The following SHISAL1 variants were observed in gnomAD, a reference collection of about 807,000 sequenced individuals.
SHISAL1 encodes shisa like 1.
In SHISAL1, 9 loss-of-function variants were observed where a neutral mutation model predicts 22.6. The observed-to-expected ratio is 0.40, with a 90% CI of 0.24 to 0.70. SHISAL1 has a LOEUF of 0.70. SHISAL1 is among the 30% of genes least tolerant of loss of function. The probability of loss-of-function intolerance (pLI) is 0.39; values close to 1 mark genes in which losing one functional copy is unlikely to be tolerated. For synonymous variants in SHISAL1, 119 were observed against 115.4 expected (o/e 1.03, Z -0.20); for missense variants, 246 against 270.6 (o/e 0.91, Z 0.64).
chr22:44,243,985 T>C lies in SHISAL1; in HGVS notation c.*5700A>G, dbSNP rs2054976973. 1 of 152,236 alleles carries C rather than the reference T, an allele frequency of 6.6e-6. No homozygotes were observed. The highest frequency in any genetic ancestry group is 1.5e-5 in the Non-Finnish European group (1 of 68,120). The allele number at this position is 152,236 out of a possible 1,614,324, so 9.4% of individuals were successfully genotyped here. On this transcript the variant is annotated 3_prime_UTR_variant, in exon 5 of 5. Transcript: ENST00000381176. The stretch of plus-strand genomic sequence containing the variant: ...GCCTTTTGTGGGAGGTCTCCTGCCT[T>C]GTTAAGGTGACTGAGCCCCTCACCC...
At chr22:44,286,501 G>A (rs1444322343) in intron 3 of SHISAL1, among the ~76,000 whole-genome samples, 1 of 152,186 alleles carries the variant, frequency 6.6e-6, no homozygotes, top group Non-Finnish European at 1.5e-5. Context: ...GACAGGGTCT[G>A]CGCTCCAGCA....
intron 4 of SHISAL1, among the ~76,000 whole-genome samples, chr22:44,272,441 C>T (rs1426966423): frequency 6.6e-6 from 1 of 152,208 alleles, no homozygotes; most frequent in Non-Finnish European, 1.5e-5. Flanking sequence ...CTGTTCCCAG[C>T]ACTTAACACG....
At chr22:44,262,159 C>T (rs1457727311) in intron 4 of SHISAL1, among the ~76,000 whole-genome samples, 1 of 152,172 alleles carries the variant, frequency 6.6e-6, no homozygotes, top group Non-Finnish European at 1.5e-5. Flanking sequence ...GGGAAAAGTT[C>T]TTGGGAGCAG....
intron 4 of SHISAL1, among the ~76,000 whole-genome samples, chr22:44,252,937 A>G (rs552300096): frequency 6.6e-6 from 1 of 152,142 alleles, no homozygotes; most frequent in East Asian, 1.9e-4. Context: ...CAGAGGTTGC[A>G]GTGAGCCGAG....
At chr22:44,309,335 A>T (rs2055501482) in intron 1 of SHISAL1, among the ~76,000 whole-genome samples, 1 of 152,188 alleles carries the variant, frequency 6.6e-6, no homozygotes, top group African/African-American at 2.4e-5. Flanking sequence ...TAGCATTAGC[A>T]CGGATTAGTA....
the SHISAL1 span, among the ~76,000 whole-genome samples, chr22:44,322,788 C>G: frequency 6.6e-6 from 1 of 152,220 alleles, no homozygotes; most frequent in Non-Finnish European, 1.5e-5. Context: ...AGAGAGAGAT[C>G]ATCCAGCTAC....
Position 44,300,927 on chromosome 22 carries a change from G to C in SHISAL1, c.19C>G (p.Gln7Glu), listed in dbSNP as rs1051292234. The C allele has an allele frequency of 6.2e-7, 1 of 1,614,132 alleles. No homozygotes were observed. Among genetic ancestry groups the C allele is most frequent in the Non-Finnish European group, 8.5e-7 (1 of 1,179,998 alleles). The change falls in exon 2 of 5, where the codon CAG (glutamine) becomes GAG (glutamate). Residue 7 changes from glutamine (Q) to glutamate (E), a missense_variant. Gln to Glu is a conservative substitution (Grantham distance 29). Transcript: ENST00000381176. MTSCGQ[Q>E]SLNVLAVLFS... is the part of the protein sequence containing the mutation. ...AGGACGGCGAGCACGTTCAAGGACT[G>C]CTGGCCACAACTGGTCATCGTCTGG... is the stretch of plus-strand genomic sequence containing the variant.
rs145126928 is a variant in SHISAL1, at chr22:44,279,123, T to G, written c.599+6305A>C. On this transcript the variant is annotated intron_variant, in intron 4 of 4. Coordinates refer to ENST00000381176, the MANE Select transcript of SHISAL1 (RefSeq NM_001099294.2). ...GCCCATGGTACCCACCACCGCGGAG[T>G]GACACTGATGAATGGACAGCCTCCG... is the stretch of plus-strand genomic sequence containing the variant. Among the ~76,000 whole-genome samples the G allele has an allele frequency of 4.4e-3, 673 of 151,856 alleles. 6 individuals carry two copies. Among genetic ancestry groups the G allele is most frequent in the African/African-American group, 0.015 (632 of 41,390 alleles).
chr22:44,300,096 C>G (rs1354843298), intron 2 of SHISAL1, among the ~76,000 whole-genome samples: 1 of 147,432 alleles, frequency 6.8e-6, no homozygotes, highest in African/African-American at 2.5e-5. Context: ...CAGAGACAGA[C>G]ACAGAGAGAC....
At chr22:44,295,482 C>T (rs919845301) in intron 3 of SHISAL1, among the ~76,000 whole-genome samples, 3 of 151,178 alleles carry the variant, frequency 2.0e-5, no homozygotes, top group African/African-American at 7.3e-5. Flanking sequence ...CAGGAAACAC[C>T]TTTCTTAGTA....
chr22:44,305,900 G>A (rs946385437), intron 1 of SHISAL1, among the ~76,000 whole-genome samples: 4 of 152,178 alleles, frequency 2.6e-5, no homozygotes, highest in Non-Finnish European at 5.9e-5. Context: ...GAGGAGGTAG[G>A]GGCTGCCCTT....
At chr22:44,322,166 A>C in the SHISAL1 span, among the ~76,000 whole-genome samples, 2 of 152,192 alleles carry the variant, frequency 1.3e-5, no homozygotes, top group Non-Finnish European at 2.9e-5. Context: ...TGCCTCTCTG[A>C]GCTCCTAGTG....
intron 3 of SHISAL1, among the ~76,000 whole-genome samples, chr22:44,288,296 T>C (rs2055329883): frequency 6.6e-6 from 1 of 152,186 alleles, no homozygotes; most frequent in Non-Finnish European, 1.5e-5. Flanking sequence ...TCCTCACCAC[T>C]ATAGCACACT....
chr22:44,278,569 C>T (rs1038222710), intron 4 of SHISAL1, among the ~76,000 whole-genome samples: 2 of 152,154 alleles, frequency 1.3e-5, no homozygotes, highest in East Asian at 1.9e-4. Context: ...ATGACCGCAG[C>T]CCCCAGGGGC....
Position 44,246,136 on chromosome 22 carries a change from G to A in SHISAL1, c.*3549C>T, listed in dbSNP as rs1180401144. On this transcript the variant is annotated 3_prime_UTR_variant, in exon 5 of 5. Coordinates refer to ENST00000381176, the MANE Select transcript of SHISAL1 (RefSeq NM_001099294.2). ...CTTCTCTAGGTGCAGGGCACGTTCA[G>A]AGGCTAACTTGAGGGCAGCGAGCCA... 6.6e-6 allele frequency: 1 copy of A among 152,256 alleles called. No homozygotes were observed. The highest frequency in any genetic ancestry group is 1.5e-5 in the Non-Finnish European group (1 of 68,082). The allele number at this position is 152,256 out of a possible 1,614,324, so 9.4% of individuals were successfully genotyped here. A position where few individuals can be genotyped will look rare whatever the true frequency, so the allele number is the denominator to read the frequency against.
intron 4 of SHISAL1, among the ~76,000 whole-genome samples, chr22:44,276,533 G>A (rs2055240808): frequency 6.6e-6 from 1 of 152,030 alleles, no homozygotes; most frequent in Non-Finnish European, 1.5e-5. Context: ...CAGAGAAGAT[G>A]GACAAGGAGG....
At chr22:44,280,472 C>G (rs528661699) in intron 4 of SHISAL1, among the ~76,000 whole-genome samples, 1 of 152,230 alleles carries the variant, frequency 6.6e-6, no homozygotes, top group Non-Finnish European at 1.5e-5. Flanking sequence ...ATGGAAATAC[C>G]AAGGGGGGCA....
intron 4 of SHISAL1, among the ~76,000 whole-genome samples, chr22:44,275,125 G>A (rs900073157): frequency 2.0e-5 from 3 of 152,192 alleles, no homozygotes; most frequent in Non-Finnish European, 2.9e-5. Flanking sequence ...TGGGTGTTGC[G>A]TTTTTACCTT....
At chr22:44,282,558 G>A (rs2055284074) in intron 4 of SHISAL1, among the ~76,000 whole-genome samples, 1 of 152,232 alleles carries the variant, frequency 6.6e-6, no homozygotes, top group Non-Finnish European at 1.5e-5. Flanking sequence ...CCCTGCACAG[G>A]GAGCCCTGAG....
Sources: allele counts gnomAD v4.1 joint callset (sites outside exome capture counted in the v4.1 genomes callset), GRCh38; gene constraint gnomAD v4.1.1; transcripts MANE v1.5; gene names NCBI Gene and HGNC (gene_info 2026-07-23, HGNC 2026-07-21).